The following MGLL variants were observed in gnomAD, a reference collection of about 807,000 sequenced individuals.
MGLL encodes the protein lysophospholipase homolog.
Under a neutral mutation model 29.1 loss-of-function variants are expected in MGLL, and 7 were observed. The ratio of observed to expected loss-of-function variants is 0.24; its 90% CI spans 0.14 to 0.45. MGLL has a LOEUF of 0.45. Among genes scored for constraint, MGLL ranks in the 20% least tolerant of loss-of-function variants. The probability of loss-of-function intolerance (pLI) is 0.99; values close to 1 mark genes in which losing one functional copy is unlikely to be tolerated. For missense variants in MGLL, 356 were observed against 413.6 expected (o/e 0.86, Z 1.21); for synonymous variants, 148 against 168.3 (o/e 0.88, Z 0.93).
At chr3:127,762,837 T>G (rs1239565694) in intron 3 of MGLL, among the ~76,000 whole-genome samples, 1 of 144,484 alleles carries the variant, frequency 6.9e-6, no homozygotes. Flanking sequence ...GTTTACAGAT[T>G]GGAGCTCTAC....
chr3:127,768,857 A>C (rs1482005396), intron 3 of MGLL, among the ~76,000 whole-genome samples: 1 of 152,226 alleles, frequency 6.6e-6, no homozygotes, highest in Admixed American at 6.5e-5. Flanking sequence ...CTTGCTAAAC[A>C]CTGACTGCTG....
chr3:127,820,574 C>T (rs1311487195), intron 2 of MGLL, among the ~76,000 whole-genome samples: 1 of 152,076 alleles, frequency 6.6e-6, no homozygotes, highest in Non-Finnish European at 1.5e-5. Flanking sequence ...GAAATTAATC[C>T]AAGATTGAGC....
At chr3:127,759,015 C>T (rs2076713811) in intron 3 of MGLL, among the ~76,000 whole-genome samples, 1 of 150,678 alleles carries the variant, frequency 6.6e-6, no homozygotes, top group South Asian at 2.1e-4. Context: ...CTCTGCCTCC[C>T]AGGTTCAAGT....
chr3:127,802,923 C>T (rs1490156702), intron 2 of MGLL, among the ~76,000 whole-genome samples: 2 of 152,134 alleles, frequency 1.3e-5, no homozygotes, highest in Non-Finnish European at 2.9e-5. Flanking sequence ...GTATGACTGA[C>T]CTCGCTTCTG....
intron 3 of MGLL, among the ~76,000 whole-genome samples, chr3:127,741,179 T>TTCA (rs1260027855): frequency 1.5e-4 from 23 of 152,224 alleles, no homozygotes; most frequent in African/African-American, 4.3e-4. Context: ...GTTCTTCTTC[T>TTCA]TCATCACAGG....
At chr3:127,710,882 C>G in intron 5 of MGLL, 65 of 551,120 alleles carry the variant, frequency 1.2e-4, no homozygotes, top group East Asian at 1.3e-4. Flanking sequence ...CTTGGGGGAG[C>G]TGGCCAGGCA....
At chr3:127,741,237 G>C (rs983717211) in intron 3 of MGLL, among the ~76,000 whole-genome samples, 1 of 152,236 alleles carries the variant, frequency 6.6e-6, no homozygotes, top group Admixed American at 6.5e-5. Flanking sequence ...GACACAGTGG[G>C]GTGGAGTGAA....
At chr3:127,739,640 A>T (rs1222480197) in intron 3 of MGLL, among the ~76,000 whole-genome samples, 1 of 152,230 alleles carries the variant, frequency 6.6e-6, no homozygotes, top group Non-Finnish European at 1.5e-5. Flanking sequence ...CAAAGCAGAG[A>T]GAAAGCTCTG....
chr3:127,696,913 T>G (rs955939263), intron 6 of MGLL, among the ~76,000 whole-genome samples: 6 of 152,158 alleles, frequency 3.9e-5, no homozygotes, highest in Admixed American at 3.9e-4. Flanking sequence ...GCTACACCCC[T>G]TCTGCTGCCA....
At chr3:127,718,160 G>T (rs572733157) in intron 5 of MGLL, among the ~76,000 whole-genome samples, 3 of 151,780 alleles carry the variant, frequency 2.0e-5, no homozygotes, top group Non-Finnish European at 4.4e-5. Flanking sequence ...ATTGCAGGGG[G>T]TGGGGGCTGG....
chr3:127,716,935 A>T (rs1194972949), intron 5 of MGLL, among the ~76,000 whole-genome samples: 3 of 152,214 alleles, frequency 2.0e-5, no homozygotes, highest in Non-Finnish European at 4.4e-5. Flanking sequence ...CCCCTTTCCC[A>T]GTGACCCTTG....
chr3:127,768,532 C>T (rs918495422), intron 3 of MGLL, among the ~76,000 whole-genome samples: 43 of 152,206 alleles, frequency 2.8e-4, no homozygotes, highest in Non-Finnish European at 7.3e-5. Flanking sequence ...GTAATGACTA[C>T]TGGAGTCATA....
chr3:127,722,830 C>A (rs2075957934), intron 3 of MGLL, among the ~76,000 whole-genome samples: 1 of 152,340 alleles, frequency 6.6e-6, no homozygotes, highest in Middle Eastern at 3.4e-3. Flanking sequence ...ACTACAAAGG[C>A]TCCCTTGGGG....
chr3:127,733,257 T>C (rs1009594277), intron 3 of MGLL, among the ~76,000 whole-genome samples: 3 of 152,144 alleles, frequency 2.0e-5, no homozygotes, highest in Non-Finnish European at 4.4e-5. Context: ...GTCAGGAAGT[T>C]ACCCAGTATA....
Position 127,710,682 on chromosome 3 carries a change from A to AACAAGGGCTGTGAGC in MGLL, c.511-32_511-18dup. ...AGCAAGGACCTAGCCGGGGAGGGAA[A>AACAAGGGCTGTGAGC]ACAAGGGCTGTGAGCACAAGTGGCA... On this transcript the variant is annotated splice_polypyrimidine_tract_variant and intron_variant, in intron 5 of 7. Coordinates refer to ENST00000265052, the MANE Select transcript of MGLL (RefSeq NM_007283.7). 6.4e-7 allele frequency: 1 copy of AACAAGGGCTGTGAGC among 1,552,016 alleles called. No homozygotes were observed. Among genetic ancestry groups the AACAAGGGCTGTGAGC allele is most frequent in the Non-Finnish European group, 8.7e-7 (1 of 1,144,500 alleles).
intron 3 of MGLL, 82 bp from the exon 4 acceptor site, chr3:127,722,648 C>A: frequency 6.3e-7 from 1 of 1,581,810 alleles, no homozygotes; most frequent in South Asian, 1.1e-5. Context: ...TCACTGCAAT[C>A]GCTCTCTCTC....
intron 6 of MGLL, 101 bp from the exon 7 acceptor site, chr3:127,695,291 G>C: frequency 8.1e-7 from 1 of 1,227,606 alleles, no homozygotes; most frequent in South Asian, 1.4e-5. Flanking sequence ...GGCCTGAAGG[G>C]TTGATTCCAT....
intron 3 of MGLL, among the ~76,000 whole-genome samples, chr3:127,740,303 C>T (rs370076671): frequency 1.1e-4 from 17 of 152,296 alleles, no homozygotes; most frequent in African/African-American, 3.4e-4. Context: ...CCAGCTGAAA[C>T]GCGGTCCTTG....
chr3:127,816,164 G>A (rs561811833), intron 2 of MGLL, among the ~76,000 whole-genome samples: 2 of 152,344 alleles, frequency 1.3e-5, no homozygotes, highest in South Asian at 4.1e-4. Flanking sequence ...GGTGATGCGG[G>A]AACACCTAGT....
Sources: gnomAD v4.1 joint callset for allele counts (sites outside exome capture counted in the v4.1 genomes callset) on GRCh38, gnomAD v4.1.1 for gene constraint, MANE v1.5 for transcripts, NCBI Gene and HGNC (gene_info 2026-07-23, HGNC 2026-07-21) for gene names.